Variants in SNX30 observed in about 807,000 individuals in gnomAD.
The protein encoded by SNX30 is sorting nexin family member 30.
In SNX30, 24 loss-of-function variants were observed where a neutral mutation model predicts 46.4. That is an observed-to-expected ratio of 0.52 (90% CI 0.37 to 0.73). The LOEUF (loss-of-function observed/expected upper bound fraction) is 0.73, where lower values mean the gene tolerates loss of function less well. SNX30 is among the 30% of genes least tolerant of loss of function. SNX30 has a pLI of 0.00. For synonymous variants in SNX30, 189 were observed against 211.5 expected, an observed-to-expected ratio of 0.89 and a Z score of 0.92; for missense variants, 533 against 555.7, an observed-to-expected ratio of 0.96 and a Z score of 0.41.
upstream of SNX30, chr9:112,750,417 C>G (rs1007312077): frequency 6.6e-6 from 1 of 151,142 alleles, no homozygotes; most frequent in Non-Finnish European, 1.5e-5. Flanking sequence ...TGCGTGTCCT[C>G]AAAGCCCCCA....
At chr9:112,875,626 A>G (rs1841509082), downstream of SNX30, among the ~76,000 whole-genome samples, 1 of 152,220 alleles carries the variant, frequency 6.6e-6, no homozygotes, top group African/African-American at 2.4e-5. Flanking sequence ...GCAATATGGT[A>G]TGCAAAGCAC....
intron 4 of SNX30, 128 bp downstream of exon 4, chr9:112,831,011 G>T (rs1045674668): frequency 2.1e-6 from 2 of 948,378 alleles, no homozygotes; most frequent in Non-Finnish European, 1.5e-6. Flanking sequence ...GATGTTGTGC[G>T]CCTGTAGTCC....
intron 1 of SNX30, among the ~76,000 whole-genome samples, chr9:112,778,740 A>T (rs1390452166): frequency 6.6e-6 from 1 of 152,244 alleles, no homozygotes; most frequent in East Asian, 1.9e-4. Flanking sequence ...ACTGCCACAG[A>T]TACCATGCTG....
At chr9:112,876,042 C>T (rs145229330), downstream of SNX30, 1,089 of 152,334 alleles carry the variant, frequency 7.1e-3, 7 homozygotes, top group Middle Eastern at 0.034. Context: ...TTGCCTTGGC[C>T]TCCCAAAGTG....
At chr9:112,841,810 C>T (rs1840864037) in intron 6 of SNX30, among the ~76,000 whole-genome samples, 1 of 152,200 alleles carries the variant, frequency 6.6e-6, no homozygotes, top group Non-Finnish European at 1.5e-5. Flanking sequence ...AGTATATTTT[C>T]TTCCTCCGAG....
At chr9:112,829,006 A>G (rs2131441582) in intron 3 of SNX30, among the ~76,000 whole-genome samples, 1 of 152,290 alleles carries the variant, frequency 6.6e-6, no homozygotes, top group East Asian at 1.9e-4. Context: ...ATGGAATCAT[A>G]TATATGGACT....
At chr9:112,764,576 G>A (rs1052516551) in intron 1 of SNX30, among the ~76,000 whole-genome samples, 3 of 152,058 alleles carry the variant, frequency 2.0e-5, no homozygotes, top group Admixed American at 6.6e-5. Flanking sequence ...TTTAAGCGGG[G>A]GAGGAACAGG....
rs749511513 is a variant in SNX30 at position 112,804,987 on chromosome 9, A to C, written c.348+20A>C. On this transcript the variant is annotated intron_variant, in intron 2 of 8. Transcript: ENST00000374232. ...ACCAAAGTAGGTCCCTGTGTTATAG[A>C]ATGCCCGTGTTGAGTGGTCTCGGGG... 1.3e-6 allele frequency: 2 copies of C among 1,556,758 alleles called. No homozygotes were observed. Among genetic ancestry groups the C allele is most frequent in the South Asian group, 2.4e-5 (2 of 82,180 alleles).
rs1214081294 is a variant in SNX30, at chr9:112,870,524, T to C, written c.*1681T>C. On this transcript the variant is annotated 3_prime_UTR_variant, in exon 9 of 9. Transcript: ENST00000374232. ...AAATGATAATGTTTAAATCAATTGG[T>C]ACTTGCCTGTAGTGTTAAACCCTAT... The C allele has an allele frequency of 1.4e-4, 21 of 152,262 alleles. No homozygotes were observed. Among genetic ancestry groups the C allele is most frequent in the African/African-American group, 5.1e-4 (21 of 41,458 alleles). 9.4% of individuals were successfully genotyped at this position (152,262 alleles called of 1,614,324 possible). A position where few individuals can be genotyped will look rare whatever the true frequency, so the allele number is the denominator to read the frequency against.
At chr9:112,804,208 A>G (rs1840185224) in intron 1 of SNX30, among the ~76,000 whole-genome samples, 1 of 151,546 alleles carries the variant, frequency 6.6e-6, no homozygotes, top group Non-Finnish European at 1.5e-5. Context: ...CTTGTTGCCC[A>G]GGTTGGAGTG....
chr9:112,868,900 G>A lies in SNX30; in HGVS notation c.*57G>A, dbSNP rs1000106530. 97 of 1,537,832 alleles carry A rather than the reference G, an allele frequency of 6.3e-5. No individual in the cohort carries two copies. Among genetic ancestry groups the A allele is most frequent in the Non-Finnish European group, 7.4e-5 (82 of 1,111,116 alleles). On this transcript the variant is annotated 3_prime_UTR_variant, in exon 9 of 9. Transcript: ENST00000374232. The stretch of plus-strand genomic sequence containing the variant: ...TACACAGGGCCTGGCACCCTATACC[G>A]GAATGTCCCTGCAGTGCCAGAGACG...
At chr9:112,843,968 G>A (rs1198179794) in intron 6 of SNX30, among the ~76,000 whole-genome samples, 1 of 152,114 alleles carries the variant, frequency 6.6e-6, no homozygotes, top group Non-Finnish European at 1.5e-5. Flanking sequence ...TTTATGCAGG[G>A]GGATGACAGG....
At chr9:112,816,953 A>G (rs115766589) in intron 2 of SNX30, among the ~76,000 whole-genome samples, 1,879 of 152,320 alleles carry the variant, frequency 0.012, 40 homozygotes, top group African/African-American at 0.043. Flanking sequence ...AAGTGCTGCA[A>G]TCACATTTCA....
At chr9:112,837,669 G>A (rs1253402569) in intron 5 of SNX30, among the ~76,000 whole-genome samples, 1 of 151,422 alleles carries the variant, frequency 6.6e-6, no homozygotes, top group Admixed American at 6.6e-5. Context: ...TAGAGATTGG[G>A]TTTCACCATG....
At chr9:112,767,933 G>A (rs957767754) in intron 1 of SNX30, among the ~76,000 whole-genome samples, 2 of 152,168 alleles carry the variant, frequency 1.3e-5, no homozygotes, top group Admixed American at 6.5e-5. Context: ...CTTCATTTCC[G>A]TTGTTGATAT....
chr9:112,815,448 C>A (rs956066093), intron 2 of SNX30, among the ~76,000 whole-genome samples: 25 of 151,850 alleles, frequency 1.6e-4, no homozygotes, highest in African/African-American at 6.1e-4. Flanking sequence ...GCAGCCTCCC[C>A]CTCTGGGGTT....
chr9:112,777,757 TC>T (rs1474871829), intron 1 of SNX30, among the ~76,000 whole-genome samples: 1 of 151,960 alleles, frequency 6.6e-6, no homozygotes, highest in African/African-American at 2.4e-5. Context: ...CTCCATGTAA[TC>T]TTAATAGTAT....
chr9:112,854,946 A>G (rs1192320618), intron 7 of SNX30, among the ~76,000 whole-genome samples: 1 of 152,182 alleles, frequency 6.6e-6, no homozygotes, highest in Non-Finnish European at 1.5e-5. Flanking sequence ...CCGTGTCCAC[A>G]CTGGCTGCAG....
intron 1 of SNX30, among the ~76,000 whole-genome samples, chr9:112,757,326 C>T (rs796958532): frequency 7.2e-5 from 11 of 152,316 alleles, no homozygotes; most frequent in Admixed American, 2.0e-4. Context: ...GACAAGATGT[C>T]ATTCTTTTCT....
Sources: gnomAD v4.1 joint callset for allele counts (sites outside exome capture counted in the v4.1 genomes callset) on GRCh38, gnomAD v4.1.1 for gene constraint, MANE v1.5 for transcripts, NCBI Gene and HGNC (gene_info 2026-07-23, HGNC 2026-07-21) for gene names.